The following MGAT4C variants were observed in gnomAD, a reference collection of about 807,000 sequenced individuals.
MGAT4C encodes the protein MGAT4 family member C.
MGAT4C carries 19 observed loss-of-function variants against 40.1 expected under a neutral mutation model. That is an observed-to-expected ratio of 0.47 (90% CI 0.33 to 0.70). The LOEUF is 0.70. Ranked by LOEUF, MGAT4C falls within the 30% of genes least tolerant of loss-of-function variation. The pLI is 0.02. For missense variants in MGAT4C, 491 were observed against 563.2 expected (o/e 0.87, Z 1.30); for synonymous variants, 181 against 187.1 (o/e 0.97, Z 0.27).
intron 4 of MGAT4C, among the ~76,000 whole-genome samples, chr12:86,316,079 CAAAAAAAA>C (rs71076185): frequency 4.7e-4 from 16 of 34,058 alleles, no homozygotes; most frequent in East Asian, 1.3e-3. Flanking sequence ...ATACAAGCAG[CAAAAAAAA>C]AAAAAAAAAA....
chr12:86,796,744 A>C (rs768035949), intron 1 of MGAT4C, among the ~76,000 whole-genome samples: 2 of 151,978 alleles, frequency 1.3e-5, no homozygotes, highest in Non-Finnish European at 2.9e-5. Flanking sequence ...AGATTTAGTC[A>C]TTCCACAATA....
intron 3 of MGAT4C, among the ~76,000 whole-genome samples, chr12:86,374,762 C>G (rs1023255797): frequency 2.6e-5 from 4 of 152,214 alleles, no homozygotes; most frequent in African/African-American, 9.6e-5. Flanking sequence ...TTCTGCTTAA[C>G]AGCATATTTA....
chr12:86,437,950 T>G (rs536841920), intron 2 of MGAT4C, among the ~76,000 whole-genome samples: 24 of 151,998 alleles, frequency 1.6e-4, no homozygotes, highest in Non-Finnish European at 3.2e-4. Context: ...GAAATTTAGC[T>G]GATCGATAGC....
chr12:86,028,700 G>C (rs2136895811), intron 2 of MGAT4C, among the ~76,000 whole-genome samples: 1 of 151,954 alleles, frequency 6.6e-6, no homozygotes, highest in Non-Finnish European at 1.5e-5. Flanking sequence ...ATACACTATG[G>C]TGCTATTCTG....
chr12:86,483,836 C>A (rs1490137292), intron 2 of MGAT4C, among the ~76,000 whole-genome samples: 1 of 145,076 alleles, frequency 6.9e-6, no homozygotes, highest in Non-Finnish European at 1.5e-5. Context: ...GACAAGATGG[C>A]CTACTAGATG....
chr12:86,488,053 G>A (rs1958054912), intron 2 of MGAT4C, among the ~76,000 whole-genome samples: 1 of 152,082 alleles, frequency 6.6e-6, no homozygotes, highest in Non-Finnish European at 1.5e-5. Flanking sequence ...TTAGCTGCCT[G>A]AAATCAGTGG....
chr12:86,670,123 C>A (rs906204939), intron 2 of MGAT4C, among the ~76,000 whole-genome samples: 12 of 151,498 alleles, frequency 7.9e-5, no homozygotes, highest in African/African-American at 2.9e-4. Context: ...TGAGAATGAA[C>A]CAACACAAGA....
At chr12:86,276,425 C>T (rs1260233253) in intron 4 of MGAT4C, among the ~76,000 whole-genome samples, 1 of 152,064 alleles carries the variant, frequency 6.6e-6, no homozygotes, top group Non-Finnish European at 1.5e-5. Context: ...ACAAACAATC[C>T]AATTATACTC....
intron 2 of MGAT4C, among the ~76,000 whole-genome samples, chr12:86,561,275 T>C (rs1419866022): frequency 1.3e-5 from 2 of 152,210 alleles, no homozygotes; most frequent in Non-Finnish European, 2.9e-5. Context: ...TGATCGTTAA[T>C]ACTGAGTGTC....
chr12:86,642,017 C>T (rs1342251958), intron 2 of MGAT4C, among the ~76,000 whole-genome samples: 1 of 151,608 alleles, frequency 6.6e-6, no homozygotes, highest in Admixed American at 6.6e-5. Flanking sequence ...TCAGGAGGAC[C>T]ATATCTTATT....
At chr12:86,176,304 C>CT (rs1379490437) in intron 1 of MGAT4C, among the ~76,000 whole-genome samples, 1 of 152,116 alleles carries the variant, frequency 6.6e-6, no homozygotes, top group African/African-American at 2.4e-5. Flanking sequence ...TACTCCATTG[C>CT]TTTGCAACTT....
chr12:86,548,893 C>T (rs1959226172), intron 2 of MGAT4C, among the ~76,000 whole-genome samples: 1 of 152,114 alleles, frequency 6.6e-6, no homozygotes, highest in African/African-American at 2.4e-5. Context: ...AAGAAGGAAA[C>T]TTCTCGAAAA....
chr12:86,498,818 T>C (rs1275878009), intron 2 of MGAT4C, among the ~76,000 whole-genome samples: 2 of 152,082 alleles, frequency 1.3e-5, no homozygotes, highest in South Asian at 2.1e-4. Flanking sequence ...GTATTTTTTA[T>C]TGTGCTTAGC....
intron 1 of MGAT4C, among the ~76,000 whole-genome samples, chr12:86,184,033 C>CAGAT (rs1888435068): frequency 6.6e-6 from 1 of 152,168 alleles, no homozygotes; most frequent in African/African-American, 2.4e-5. Context: ...TATTCATATA[C>CAGAT]AGATCACACT....
At chr12:86,683,494 C>T (rs1223250345) in intron 2 of MGAT4C, among the ~76,000 whole-genome samples, 1 of 152,010 alleles carries the variant, frequency 6.6e-6, no homozygotes, top group East Asian at 1.9e-4. Context: ...AAATATTGCC[C>T]TGCCATTTGA....
chr12:86,061,850 C>T (rs1250660419), intron 1 of MGAT4C, among the ~76,000 whole-genome samples: 1 of 152,046 alleles, frequency 6.6e-6, no homozygotes, highest in Non-Finnish European at 1.5e-5. Flanking sequence ...CAGGGCATCT[C>T]TGAAAAAAAG....
At chr12:86,218,330 C>T (rs73180152) in intron 1 of MGAT4C, among the ~76,000 whole-genome samples, 1 of 151,874 alleles carries the variant, frequency 6.6e-6, no homozygotes, top group African/African-American at 2.4e-5. Context: ...TTTTGATGAA[C>T]CCTTGATATT....
At chr12:86,526,358 T>C (rs7302391) in intron 2 of MGAT4C, among the ~76,000 whole-genome samples, 134,087 of 152,066 alleles carry the variant, frequency 0.88, 59,183 homozygotes, top group East Asian at 1. Context: ...CATGTACACA[T>C]GCACACTGGT....
At chr12:86,439,460 T>C (rs1327640994) in intron 2 of MGAT4C, among the ~76,000 whole-genome samples, 1 of 152,068 alleles carries the variant, frequency 6.6e-6, no homozygotes, top group Non-Finnish European at 1.5e-5. Flanking sequence ...TCAAAACCTC[T>C]GTGATACTGC....
Sources: gnomAD v4.1 joint callset for allele counts (sites outside exome capture counted in the v4.1 genomes callset) on GRCh38, gnomAD v4.1.1 for gene constraint, MANE v1.5 for transcripts, NCBI Gene and HGNC (gene_info 2026-07-23, HGNC 2026-07-21) for gene names.